Variants in FGGY observed in about 807,000 individuals in gnomAD.
The protein encoded by FGGY is FGGY carbohydrate kinase domain containing.
FGGY carries 72 observed loss-of-function variants against 71.3 expected under a neutral mutation model. That is an observed-to-expected ratio of 1.01 (90% confidence interval 0.84 to 1.23). The LOEUF (loss-of-function observed/expected upper bound fraction) is 1.23. Ranked by LOEUF, FGGY falls within the 50% of genes most tolerant of loss-of-function variation. The pLI is 0.00. For missense variants in FGGY, 668 were observed against 682.3 expected, an observed-to-expected ratio of 0.98 and a Z score of 0.23; for synonymous variants, 251 against 250.3, an observed-to-expected ratio of 1.00 and a Z score of -0.02.
intron 4 of FGGY, among the ~76,000 whole-genome samples, chr1:59,372,838 G>A (rs2057932300): frequency 6.6e-6 from 1 of 151,632 alleles, no homozygotes; most frequent in Non-Finnish European, 1.5e-5. Context: ...ATGCAGAAAA[G>A]GCCTTTGACA....
chr1:59,406,355 G>A (rs2062752848), intron 5 of FGGY, among the ~76,000 whole-genome samples: 1 of 151,920 alleles, frequency 6.6e-6, no homozygotes, highest in Admixed American at 6.6e-5. Context: ...GTCTACTCGT[G>A]CCATGTTTTT....
intron 4 of FGGY, among the ~76,000 whole-genome samples, chr1:59,347,592 T>G (rs2052340583): frequency 6.6e-6 from 1 of 152,274 alleles, no homozygotes; most frequent in South Asian, 2.1e-4. Flanking sequence ...AGCATGGTAC[T>G]GGTACCAAAA....
At chr1:59,327,061 CT>C (rs2047572779) in intron 2 of FGGY, among the ~76,000 whole-genome samples, 1 of 152,168 alleles carries the variant, frequency 6.6e-6, no homozygotes, top group African/African-American at 2.4e-5. Flanking sequence ...ATGTTGATAG[CT>C]GCTTACTAAT....
intron 14 of FGGY, among the ~76,000 whole-genome samples, chr1:59,685,247 A>T (rs2097535251): frequency 6.6e-6 from 1 of 151,924 alleles, no homozygotes; most frequent in Non-Finnish European, 1.5e-5. Flanking sequence ...CTTCTGCTTG[A>T]GGGAATGGTG....
At chr1:59,573,652 A>T (rs1006238376) in intron 8 of FGGY, among the ~76,000 whole-genome samples, 1 of 152,326 alleles carries the variant, frequency 6.6e-6, no homozygotes, top group Admixed American at 6.5e-5. Context: ...TTTTAATAGA[A>T]GGAAGTAGTC....
chr1:59,514,790 G>C (rs928596244), intron 7 of FGGY, among the ~76,000 whole-genome samples: 1 of 151,946 alleles, frequency 6.6e-6, no homozygotes, highest in Non-Finnish European at 1.5e-5. Context: ...TTTGCTCTTC[G>C]CCATGATTAT....
intron 8 of FGGY, among the ~76,000 whole-genome samples, chr1:59,601,460 C>G (rs937163702): frequency 2.6e-5 from 4 of 152,168 alleles, no homozygotes; most frequent in African/African-American, 9.7e-5. Flanking sequence ...AAAAGAGAGG[C>G]AGGAGCACAT....
chr1:59,489,404 T>C (rs1254731329), intron 6 of FGGY, among the ~76,000 whole-genome samples: 1 of 152,146 alleles, frequency 6.6e-6, no homozygotes, highest in Non-Finnish European at 1.5e-5. Context: ...TCTAATATCC[T>C]CTACTTTTTA....
At chr1:59,468,149 C>T (rs556313336) in intron 6 of FGGY, among the ~76,000 whole-genome samples, 1 of 152,228 alleles carries the variant, frequency 6.6e-6, no homozygotes, top group Admixed American at 6.5e-5. Flanking sequence ...GTGATCCGCC[C>T]CCCTCAGCCT....
At chr1:59,566,095 A>G (rs1454245756) in intron 8 of FGGY, among the ~76,000 whole-genome samples, 1 of 151,822 alleles carries the variant, frequency 6.6e-6, no homozygotes, top group Non-Finnish European at 1.5e-5. Context: ...TATTTACCAC[A>G]CATCTGTTGT....
chr1:59,697,143 C>G (rs1424819933), intron 14 of FGGY, among the ~76,000 whole-genome samples: 1 of 152,158 alleles, frequency 6.6e-6, no homozygotes, highest in Non-Finnish European at 1.5e-5. Context: ...AATTGTAAAT[C>G]ACCATTGGAG....
In FGGY at chr1:59,569,534, G is replaced by A. The variant is rs1342829550; in HGVS notation, c.903+15307G>A. ...TTGAGCTCTGCTTTTGTAAAAAGCT[G>A]TTAGAACCTGAAAGAACCACATAAC... is the stretch of plus-strand genomic sequence containing the variant. On this transcript the variant is annotated intron_variant, in intron 8 of 15. Coordinates refer to ENST00000303721, the MANE Select transcript of FGGY (RefSeq NM_018291.5). Among the ~76,000 whole-genome samples the A allele has an allele frequency of 3.3e-5, 5 of 152,282 alleles. No homozygotes were observed. In the South Asian group the frequency reaches 1.0e-3, roughly 32 times the overall value.
intron 14 of FGGY, among the ~76,000 whole-genome samples, chr1:59,694,731 G>T (rs2097641190): frequency 6.7e-6 from 1 of 149,050 alleles, no homozygotes; most frequent in African/African-American, 2.5e-5. Flanking sequence ...TCAATGTGTT[G>T]CCCAGGCTGG....
chr1:59,303,835 T>C (rs532419156), intron 1 of FGGY, among the ~76,000 whole-genome samples: 26 of 152,148 alleles, frequency 1.7e-4, no homozygotes, highest in Non-Finnish European at 3.8e-4. Flanking sequence ...ATTTACACTT[T>C]GCTGATGATT....
Position 59,361,381 on chromosome 1 carries a change from C to A in FGGY, c.465+14983C>A, listed in dbSNP as rs186007251. Among the ~76,000 whole-genome samples the A allele has an allele frequency of 9.5e-3, 1,447 of 152,124 alleles. 19 individuals are homozygous for A. Among genetic ancestry groups the A allele is most frequent in the Non-Finnish European group, 0.011 (751 of 67,988 alleles). On this transcript the variant is annotated intron_variant, in intron 4 of 15. Coordinates refer to ENST00000303721, the MANE Select transcript of FGGY (RefSeq NM_018291.5). The stretch of plus-strand genomic sequence containing the variant: ...CTTGGGTTACTCTAGAAATACAGCC[C>A]AGTTAGGATCGAGGGGCTCGGGGAG...
At position 59,432,270 on chromosome 1, in the gene FGGY, A is replaced by C. The variant is rs183429689; in HGVS notation, c.555-24691A>C. ...GTTCATTTGTATTTGTATTCTTTAT[A>C]ATAAGCCAGTAAATTTAAGTAGAGT... On this transcript the variant is annotated intron_variant, in intron 5 of 15. Transcript: ENST00000303721. 3.3e-3 allele frequency among the ~76,000 whole-genome samples: 498 copies of C among 152,212 alleles called. 4 individuals are homozygous for C. The highest frequency in any genetic ancestry group is 0.015 in the South Asian group (72 of 4,822).
intron 8 of FGGY, among the ~76,000 whole-genome samples, chr1:59,578,825 A>T (rs1416111988): frequency 6.6e-6 from 1 of 152,124 alleles, no homozygotes; most frequent in Non-Finnish European, 1.5e-5. Context: ...CCTCTCCTAC[A>T]TCAGCAAATC....
chr1:59,505,754 C>G (rs1418551979), intron 6 of FGGY, among the ~76,000 whole-genome samples: 1 of 152,124 alleles, frequency 6.6e-6, no homozygotes, highest in Non-Finnish European at 1.5e-5. Flanking sequence ...TTCTGTCTCC[C>G]AGCAGTCCAC....
chr1:59,740,787 C>T (rs995156464), intron 14 of FGGY, among the ~76,000 whole-genome samples: 1 of 152,214 alleles, frequency 6.6e-6, no homozygotes, highest in African/African-American at 2.4e-5. Context: ...CTATCTCCTT[C>T]TCATCAACAT....
Sources: gnomAD v4.1 joint callset for allele counts (sites outside exome capture counted in the v4.1 genomes callset) on GRCh38, gnomAD v4.1.1 for gene constraint, MANE v1.5 for transcripts, NCBI Gene and HGNC (gene_info 2026-07-23, HGNC 2026-07-21) for gene names.